CREB5: variants seen among roughly 807,000 people sequenced by gnomAD.
CREB5 encodes the protein cyclic AMP-responsive element-binding protein 5.
CREB5 carries 19 observed loss-of-function variants against 57.1 expected under a neutral mutation model. The observed-to-expected ratio is 0.33, with a 90% CI of 0.23 to 0.49. The LOEUF (loss-of-function observed/expected upper bound fraction) is 0.49. CREB5 is among the 20% of genes least tolerant of loss of function. The pLI, the probability that CREB5 is intolerant of heterozygous loss-of-function variation, is 0.99. For missense variants in CREB5, 579 were observed against 671.6 expected, an observed-to-expected ratio of 0.86 and a Z score of 1.52; for synonymous variants, 238 against 238.3, an observed-to-expected ratio of 1.00 and a Z score of 0.01.
In CREB5 at chr7:28,396,444, G is replaced by A. The variant is rs555579839; in HGVS notation, c.-25+97003G>A. Among the ~76,000 whole-genome samples, 9 of 152,102 alleles carry A rather than the reference G, an allele frequency of 5.9e-5. 1 individual carries two copies. In the South Asian group the frequency reaches 6.2e-4, roughly 11 times the overall value. On this transcript the variant is annotated intron_variant, in intron 1 of 9. Coordinates refer to the CREB5 transcript ENST00000396299. ...TATACAACTAGCTGGTATGGCATAC[G>A]TATCTAATTCTATAATATATACTAA...
chr7:28,361,283 T>C (rs1289171280), intron 1 of CREB5, among the ~76,000 whole-genome samples: 2 of 152,228 alleles, frequency 1.3e-5, no homozygotes, highest in Admixed American at 1.3e-4. Context: ...TCTAGAATCC[T>C]TCCTACATAT....
intron 5 of CREB5, among the ~76,000 whole-genome samples, chr7:28,628,431 C>A (rs1438302279): frequency 6.6e-6 from 1 of 152,170 alleles, no homozygotes; most frequent in South Asian, 2.1e-4. Context: ...TGTCAGTCTA[C>A]TTTGCCCTCA....
intron 1 of CREB5, among the ~76,000 whole-genome samples, chr7:28,351,582 A>G (rs1786186434): frequency 6.6e-6 from 1 of 152,158 alleles, no homozygotes; most frequent in Admixed American, 6.5e-5. Context: ...TTTCATATAT[A>G]CTTTTTCATT....
Position 28,683,964 on chromosome 7 carries a change from A to C in CREB5, c.465-34789A>C, listed in dbSNP as rs148942112. On this transcript the variant is annotated intron_variant, in intron 5 of 10. Coordinates refer to ENST00000357727, the MANE Select transcript of CREB5 (RefSeq NM_182898.4). ...TTGCACCAAAAATAGTAACATAAAT[A>C]AAACATTTAAATAAGAAAACTAAAG... Among the ~76,000 whole-genome samples the C allele has an allele frequency of 9.9e-3, 1,508 of 152,276 alleles. 13 individuals are homozygous for C. Among genetic ancestry groups the C allele is most frequent in the Non-Finnish European group, 0.015 (1,018 of 68,016 alleles).
chr7:28,820,609 T>C lies in CREB5; in HGVS notation c.*1330T>C, dbSNP rs1351464965. On this transcript the variant is annotated 3_prime_UTR_variant, in exon 11 of 11. Coordinates refer to ENST00000357727, the MANE Select transcript of CREB5 (RefSeq NM_182898.4). ...GATGAGGTGCAGGCTACTTCACTCT[T>C]TTTTTTTCTTTTTTGAGACAGAGTC... The C allele has an allele frequency of 6.6e-6, 1 of 152,206 alleles. No individual in the cohort carries two copies. The highest frequency in any genetic ancestry group is 1.5e-5 in the Non-Finnish European group (1 of 67,986). 9.4% of individuals were successfully genotyped at this position (152,206 alleles called of 1,614,324 possible).
At chr7:28,436,710 T>G (rs1391628562) in intron 1 of CREB5, among the ~76,000 whole-genome samples, 1 of 152,142 alleles carries the variant, frequency 6.6e-6, no homozygotes. Flanking sequence ...ATGTTGAATT[T>G]TAGCATTAGG....
intron 7 of CREB5, among the ~76,000 whole-genome samples, chr7:28,742,785 C>CT (rs969233961): frequency 4.2e-4 from 64 of 151,246 alleles, no homozygotes; most frequent in African/African-American, 1.4e-3. Flanking sequence ...TCTTATTTTG[C>CT]TTTTTTTTTC....
intron 5 of CREB5, among the ~76,000 whole-genome samples, chr7:28,578,451 A>G (rs1163664377): frequency 1.3e-5 from 2 of 152,344 alleles, no homozygotes; most frequent in East Asian, 1.9e-4. Context: ...TGAACTGAAC[A>G]TGTTAGGAGA....
chr7:28,610,368 C>T (rs559326290), intron 5 of CREB5, among the ~76,000 whole-genome samples: 14 of 152,228 alleles, frequency 9.2e-5, no homozygotes, highest in Admixed American at 7.8e-4. Context: ...ATAAGCACCA[C>T]ACAACCATCC....
chr7:28,352,554 T>C (rs1220148021), intron 1 of CREB5, among the ~76,000 whole-genome samples: 1 of 152,218 alleles, frequency 6.6e-6, no homozygotes. Flanking sequence ...TTCTTTCTTT[T>C]TGCTCAGCTC....
intron 1 of CREB5, among the ~76,000 whole-genome samples, chr7:28,476,319 G>A (rs1470043626): frequency 2.0e-5 from 3 of 152,058 alleles, no homozygotes; most frequent in Non-Finnish European, 4.4e-5. Context: ...TCAATCTCTC[G>A]ACATATGCCA....
chr7:28,595,036 C>T (rs1176781579), intron 5 of CREB5, among the ~76,000 whole-genome samples: 1 of 152,060 alleles, frequency 6.6e-6, no homozygotes, highest in East Asian at 1.9e-4. Flanking sequence ...TTTGTTGAGC[C>T]CTCCCACTCC....
chr7:28,802,659 A>T (rs965269625), intron 7 of CREB5, among the ~76,000 whole-genome samples: 14 of 152,276 alleles, frequency 9.2e-5, no homozygotes, highest in Non-Finnish European at 1.3e-4. Flanking sequence ...TCCTTAGCAC[A>T]TTATGCCCCT....
chr7:28,803,524 C>T (rs558732302), intron 7 of CREB5, among the ~76,000 whole-genome samples: 9 of 152,058 alleles, frequency 5.9e-5, no homozygotes, highest in African/African-American at 1.2e-4. Context: ...TTTAGGAGGC[C>T]GAGGCAGATG....
At chr7:28,772,628 G>A (rs1373498212) in intron 7 of CREB5, among the ~76,000 whole-genome samples, 3 of 152,180 alleles carry the variant, frequency 2.0e-5, no homozygotes, top group African/African-American at 2.4e-5. Context: ...CTCTTTGAGA[G>A]ACATTTTCAA....
chr7:28,595,557 T>C (rs1331635872), intron 5 of CREB5, among the ~76,000 whole-genome samples: 7 of 152,228 alleles, frequency 4.6e-5, no homozygotes, highest in South Asian at 2.1e-4. Context: ...ACAGTTGATA[T>C]AGCAAGTACC....
chr7:28,367,857 A>G (rs947029523), intron 1 of CREB5, among the ~76,000 whole-genome samples: 1 of 152,012 alleles, frequency 6.6e-6, no homozygotes, highest in African/African-American at 2.4e-5. Context: ...CAACAAAGAA[A>G]CACAAAACAT....
intron 5 of CREB5, among the ~76,000 whole-genome samples, chr7:28,687,037 CTG>C (rs1800973563): frequency 6.6e-6 from 1 of 151,948 alleles, no homozygotes; most frequent in Admixed American, 6.6e-5. Context: ...GACTGGAAAA[CTG>C]TGTGTTGTAT....
intron 1 of CREB5, among the ~76,000 whole-genome samples, chr7:28,348,408 T>TCTCTCTCA (rs1376338798): frequency 4.2e-5 from 5 of 118,248 alleles, no homozygotes; most frequent in African/African-American, 1.3e-4. Flanking sequence ...TCTCTCTCTC[T>TCTCTCTCA]CACACACACA....
Sources: allele counts gnomAD v4.1 joint callset (sites outside exome capture counted in the v4.1 genomes callset), GRCh38; gene constraint gnomAD v4.1.1; transcripts MANE v1.5; gene names NCBI Gene and HGNC (gene_info 2026-07-23, HGNC 2026-07-21).